Variants in PTPRD observed in about 807,000 individuals in gnomAD.
PTPRD encodes protein tyrosine phosphatase receptor type D.
A neutral mutation model predicts 214.5 loss-of-function variants in PTPRD; 34 were observed. That is an observed-to-expected ratio of 0.16 (90% CI 0.12 to 0.21). The LOEUF is 0.21. PTPRD is among the 10% of genes least tolerant of loss of function. PTPRD has a pLI of 1.00. For missense variants in PTPRD, 2,545 were observed against 2,398.7 expected (o/e 1.06, Z -1.27); for synonymous variants, 1,128 against 845.7 (o/e 1.33, Z -5.79).
rs867997737 is a variant in PTPRD at position 10,459,668 on chromosome 9, T to A, written c.-599-118651A>T. ...AACGACCCGTGATGAAGAGCTTTTT[T>A]TTTTTCATACGTTTGTTGGTTGCCT... is the stretch of plus-strand genomic sequence containing the variant. On this transcript the variant is annotated intron_variant, in intron 2 of 45. Transcript: ENST00000381196. Among the ~76,000 whole-genome samples the A allele has an allele frequency of 2.6e-5, 4 of 152,132 alleles. 1 individual carries two copies. The highest frequency in any genetic ancestry group is 1.9e-4 in the East Asian group (1 of 5,186).
chr9:9,501,394 T>C (rs1044199549), intron 8 of PTPRD, among the ~76,000 whole-genome samples: 2 of 151,962 alleles, frequency 1.3e-5, no homozygotes, highest in South Asian at 2.1e-4. Flanking sequence ...TATTTATTAA[T>C]TATAAACAGT....
intron 39 of PTPRD, 98 bp downstream of exon 39, chr9:8,375,838 C>A: frequency 2.9e-6 from 4 of 1,377,376 alleles, no homozygotes; most frequent in Non-Finnish European, 3.9e-6. Context: ...TTTATGAAGA[C>A]ATTTACTATT....
At position 9,385,656 on chromosome 9, in the gene PTPRD, C is replaced by T. The variant is rs188179840; in HGVS notation, c.-203+11793G>A. 1.6e-3 allele frequency among the ~76,000 whole-genome samples: 241 copies of T among 152,210 alleles called. 1 individual carries two copies. In the Middle Eastern group the frequency reaches 0.054, roughly 34 times the overall value. ...GGACAAACCTTAGTGAAAGTGAATACAGGCAAGAAGAATGATCATTCTCAG... is the reference window on the plus strand; with the variant it reads ...GGACAAACCTTAGTGAAAGTGAATATAGGCAAGAAGAATGATCATTCTCAG... On this transcript the variant is annotated intron_variant, in intron 9 of 45. Coordinates refer to ENST00000381196, the MANE Select transcript of PTPRD (RefSeq NM_002839.4).
At chr9:9,972,302 G>A (rs1167312006) in intron 4 of PTPRD, among the ~76,000 whole-genome samples, 1 of 152,152 alleles carries the variant, frequency 6.6e-6, no homozygotes, top group East Asian at 1.9e-4. Context: ...GTGAAAACTT[G>A]CCCCTATTTT....
intron 39 of PTPRD, among the ~76,000 whole-genome samples, chr9:8,342,579 G>A (rs1213024842): frequency 6.6e-6 from 1 of 151,998 alleles, no homozygotes; most frequent in Non-Finnish European, 1.5e-5. Flanking sequence ...ACAGGAATAG[G>A]TATATAATAG....
At chr9:8,477,591 T>C (rs535059913) in intron 30 of PTPRD, among the ~76,000 whole-genome samples, 61 of 152,306 alleles carry the variant, frequency 4.0e-4, no homozygotes, top group African/African-American at 1.4e-3. Flanking sequence ...AGGAGTTTAA[T>C]GATGAATGTC....
intron 10 of PTPRD, among the ~76,000 whole-genome samples, chr9:9,165,119 C>G (rs1339311278): frequency 6.7e-6 from 1 of 149,826 alleles, no homozygotes; most frequent in Non-Finnish European, 1.5e-5. Flanking sequence ...ATTCAATAAA[C>G]ATTTATTGAA....
At chr9:10,511,290 G>C (rs898446558) in intron 2 of PTPRD, among the ~76,000 whole-genome samples, 2 of 152,120 alleles carry the variant, frequency 1.3e-5, no homozygotes, top group African/African-American at 4.8e-5. Context: ...ACCTAGGAGT[G>C]GGATTGCCAG....
chr9:8,878,661 G>A (rs1453037707), intron 11 of PTPRD, among the ~76,000 whole-genome samples: 1 of 151,998 alleles, frequency 6.6e-6, no homozygotes, highest in East Asian at 1.9e-4. Flanking sequence ...CTGAGTAGCT[G>A]GAATTACAGG....
intron 9 of PTPRD, among the ~76,000 whole-genome samples, chr9:9,220,992 T>G (rs941709181): frequency 6.6e-6 from 1 of 151,972 alleles, no homozygotes; most frequent in Admixed American, 6.6e-5. Context: ...TTCTGAGAGG[T>G]AAAAGAGCCA....
chr9:8,335,642 G>A (rs960741968), intron 43 of PTPRD, among the ~76,000 whole-genome samples: 14 of 152,122 alleles, frequency 9.2e-5, no homozygotes, highest in African/African-American at 3.1e-4. Flanking sequence ...GTTCTGGCCA[G>A]GGCAATCAGG....
At chr9:9,115,563 A>G (rs1051098951) in intron 10 of PTPRD, among the ~76,000 whole-genome samples, 2 of 152,204 alleles carry the variant, frequency 1.3e-5, no homozygotes, top group African/African-American at 4.8e-5. Flanking sequence ...TATGGAAAAC[A>G]ATATGTAGAT....
At chr9:9,773,196 A>T (rs979130358) in intron 5 of PTPRD, among the ~76,000 whole-genome samples, 1 of 152,116 alleles carries the variant, frequency 6.6e-6, no homozygotes, top group Non-Finnish European at 1.5e-5. Context: ...CTTTAATGTA[A>T]ACCTCCTTTC....
At chr9:10,407,961 A>T (rs2098391320) in intron 2 of PTPRD, among the ~76,000 whole-genome samples, 1 of 151,528 alleles carries the variant, frequency 6.6e-6, no homozygotes, top group Non-Finnish European at 1.5e-5. Flanking sequence ...ATTTCTCAAA[A>T]GCTTATTTTA....
chr9:8,456,903 G>C (rs555721334), intron 33 of PTPRD, among the ~76,000 whole-genome samples: 2 of 152,232 alleles, frequency 1.3e-5, no homozygotes, highest in East Asian at 3.9e-4. Flanking sequence ...ATCTTGAAAT[G>C]CTTTTCCATA....
intron 8 of PTPRD, among the ~76,000 whole-genome samples, chr9:9,458,273 A>G (rs1335144352): frequency 6.6e-6 from 1 of 152,082 alleles, no homozygotes; most frequent in Non-Finnish European, 1.5e-5. Flanking sequence ...AATATATTTC[A>G]CTTCATATGT....
At chr9:10,084,763 G>A (rs1310166939) in intron 3 of PTPRD, among the ~76,000 whole-genome samples, 4 of 151,920 alleles carry the variant, frequency 2.6e-5, no homozygotes, top group Admixed American at 6.6e-5. Context: ...TCATGGTTGT[G>A]TTTACATCTT....
At chr9:8,351,018 G>C (rs191915863) in intron 39 of PTPRD, among the ~76,000 whole-genome samples, 33 of 152,280 alleles carry the variant, frequency 2.2e-4, no homozygotes, top group Admixed American at 2.0e-3. Context: ...AGTAGAAAGA[G>C]ATTTTATTGT....
chr9:8,934,973 C>T (rs1460983349), intron 11 of PTPRD, among the ~76,000 whole-genome samples: 4 of 152,048 alleles, frequency 2.6e-5, no homozygotes, highest in African/African-American at 9.6e-5. Context: ...AATAATATTC[C>T]ACTGTGTGTA....
Sources: gnomAD v4.1 joint callset for allele counts (sites outside exome capture counted in the v4.1 genomes callset) on GRCh38, gnomAD v4.1.1 for gene constraint, MANE v1.5 for transcripts, NCBI Gene and HGNC (gene_info 2026-07-23, HGNC 2026-07-21) for gene names.